ZMYM2: variants seen among roughly 807,000 people sequenced by gnomAD.
ZMYM2 encodes zinc finger MYM-type containing 2, also known as zinc finger MYM-type protein 2.
ZMYM2 carries 56 observed loss-of-function variants against 162.8 expected under a neutral mutation model. That is an observed-to-expected ratio of 0.34 (90% CI 0.28 to 0.43). The LOEUF (loss-of-function observed/expected upper bound fraction) is 0.43, where lower values mean the gene tolerates loss of function less well. ZMYM2 is among the 20% of genes least tolerant of loss of function. The pLI, the probability that ZMYM2 is intolerant of heterozygous loss-of-function variation, is 1.00. For synonymous variants in ZMYM2, 510 were observed against 541.6 expected (o/e 0.94, Z 0.81); for missense variants, 1,275 against 1,621.8 (o/e 0.79, Z 3.67).
chr13:19,921,976 C>A, the ZMYM2 span, among the ~76,000 whole-genome samples: 3 of 151,806 alleles, frequency 2.0e-5, no homozygotes, highest in African/African-American at 4.8e-5. Context: ...TGCAGTGGTG[C>A]GATCTCGGCT....
At chr13:19,981,287 C>CAG (rs201107979) in intron 2 of ZMYM2, among the ~76,000 whole-genome samples, 3,931 of 137,920 alleles carry the variant, frequency 0.029, 113 homozygotes, top group East Asian at 0.13. Context: ...ACAGAAAAAA[C>CAG]AAAAAACAAA....
chr13:20,021,862 C>T (rs1952137388), intron 7 of ZMYM2, among the ~76,000 whole-genome samples: 1 of 152,222 alleles, frequency 6.6e-6, no homozygotes, highest in Non-Finnish European at 1.5e-5. Context: ...CAAAATACGT[C>T]GGTAGATGTA....
chr13:20,054,732 G>T (rs989893564), intron 14 of ZMYM2, among the ~76,000 whole-genome samples: 1 of 152,212 alleles, frequency 6.6e-6, no homozygotes, highest in African/African-American at 2.4e-5. Flanking sequence ...TTGCAGAATG[G>T]CAAGAAGTGC....
At chr13:19,902,288 T>C in the ZMYM2 span, among the ~76,000 whole-genome samples, 1 of 152,192 alleles carries the variant, frequency 6.6e-6, no homozygotes. Context: ...GCTTCCGTTT[T>C]TTGAAATGAA....
chr13:20,067,125 A>C, intron 20 of ZMYM2, 106 bp downstream of exon 20: 1 of 1,380,270 alleles, frequency 7.2e-7, no homozygotes, highest in Non-Finnish European at 9.6e-7. Context: ...AAATACCTGT[A>C]AGAATGCATT....
intron 12 of ZMYM2, among the ~76,000 whole-genome samples, chr13:20,044,221 G>T (rs1954549238): frequency 6.6e-6 from 1 of 152,274 alleles, no homozygotes; most frequent in East Asian, 1.9e-4. Context: ...CTGGCTTGCT[G>T]CCCCTACAAC....
At chr13:19,912,275 A>G in the ZMYM2 span, among the ~76,000 whole-genome samples, 3 of 132,396 alleles carry the variant, frequency 2.3e-5, no homozygotes, top group African/African-American at 8.4e-5. Flanking sequence ...TAATTTTCAC[A>G]GGGATCTGTT....
Position 20,051,467 on chromosome 13 carries a change from C to T in ZMYM2, c.2327C>T (p.Thr776Ile). Residue 776 changes from threonine to isoleucine, a missense_variant, in exon 13 of 25, where the codon ACT (threonine) becomes ATT (isoleucine). Transcript: ENST00000610343. The part of the protein sequence containing the change: ...ARCDCCKSQG[T>I]LKERVQWRGE... The stretch of plus-strand genomic sequence containing the variant: ...TGTGACTGTTGTAAATCTCAAGGAA[C>T]TCTTAAAGAGCGAGTTCAGTGGCGT... The T allele has an allele frequency of 6.2e-7, 1 of 1,613,108 alleles. No individual in the cohort carries two copies. The highest frequency in any genetic ancestry group is 8.5e-7 in the Non-Finnish European group (1 of 1,179,442).
intron 2 of ZMYM2, among the ~76,000 whole-genome samples, chr13:19,983,855 C>T (rs916584345): frequency 2.0e-5 from 3 of 151,934 alleles, no homozygotes; most frequent in Admixed American, 6.6e-5. Flanking sequence ...TCTCCAACTG[C>T]GGGCTCAAGA....
chr13:20,054,005 A>G (rs1054727900), intron 14 of ZMYM2, among the ~76,000 whole-genome samples: 1 of 152,220 alleles, frequency 6.6e-6, no homozygotes, highest in Admixed American at 6.5e-5. Flanking sequence ...CTCCTCCTAC[A>G]GCACTTGAAC....
At chr13:19,956,090 G>C (rs1005385458), upstream of ZMYM2, among the ~76,000 whole-genome samples, 1 of 152,120 alleles carries the variant, frequency 6.6e-6, no homozygotes, top group Admixed American at 6.5e-5. Flanking sequence ...GTCAATTTTA[G>C]AACACTTGAG....
chr13:19,931,025 G>A, the ZMYM2 span, among the ~76,000 whole-genome samples: 2 of 151,322 alleles, frequency 1.3e-5, no homozygotes, highest in South Asian at 2.1e-4. Context: ...TGTAGTCCTA[G>A]CTACTTGGGG....
chr13:19,904,815 C>T, the ZMYM2 span, among the ~76,000 whole-genome samples: 1 of 152,022 alleles, frequency 6.6e-6, no homozygotes, highest in African/African-American at 2.4e-5. Flanking sequence ...GCTTATTTCA[C>T]TAAACATAAT....
intron 9 of ZMYM2, among the ~76,000 whole-genome samples, chr13:20,029,770 A>G (rs1030679476): frequency 6.6e-5 from 10 of 152,076 alleles, no homozygotes; most frequent in Admixed American, 4.6e-4. Context: ...GTCAGTGTCC[A>G]TGTATGCTTA....
chr13:19,988,463 T>G (rs1044123846), intron 2 of ZMYM2, among the ~76,000 whole-genome samples: 1 of 152,184 alleles, frequency 6.6e-6, no homozygotes, highest in African/African-American at 2.4e-5. Flanking sequence ...AAGCATTGTG[T>G]TAGGTCTTAG....
chr13:20,000,945 A>G (rs897245210), intron 3 of ZMYM2, among the ~76,000 whole-genome samples: 2 of 152,246 alleles, frequency 1.3e-5, no homozygotes, highest in African/African-American at 4.8e-5. Context: ...GAACATTTGT[A>G]ATTCATGGGA....
chr13:20,087,925 G>A lies in ZMYM2; in HGVS notation c.*1911G>A, dbSNP rs202200789. ...ATTAATGCCTATTGTTGATTAAAAG[G>A]TGGTTAATTCTAACCATCTTTTAGT... On this transcript the variant is annotated 3_prime_UTR_variant, in exon 25 of 25. Coordinates refer to ENST00000610343, the MANE Select transcript of ZMYM2 (RefSeq NM_197968.4). 5.7e-5 allele frequency: 11 copies of A among 191,920 alleles called. No homozygotes were observed. The East Asian group carries it at 8.3e-4, about 14-fold the overall frequency. 11.9% of individuals were successfully genotyped at this position (191,920 alleles called of 1,614,324 possible). A position where few individuals can be genotyped will look rare whatever the true frequency, so the allele number is the denominator to read the frequency against.
intron 12 of ZMYM2, among the ~76,000 whole-genome samples, chr13:20,049,571 C>T (rs969409077): frequency 1.6e-4 from 25 of 152,010 alleles, no homozygotes; most frequent in African/African-American, 5.8e-4. Flanking sequence ...TTATTCTCTG[C>T]TCATTTATAG....
At chr13:19,865,503 A>G in the ZMYM2 span, among the ~76,000 whole-genome samples, 1 of 152,232 alleles carries the variant, frequency 6.6e-6, no homozygotes, top group Non-Finnish European at 1.5e-5. Flanking sequence ...TAAGTGAATT[A>G]CATGTAATGT....
Sources: gnomAD v4.1 joint callset for allele counts (sites outside exome capture counted in the v4.1 genomes callset) on GRCh38, gnomAD v4.1.1 for gene constraint, MANE v1.5 for transcripts, NCBI Gene and HGNC (gene_info 2026-07-23, HGNC 2026-07-21) for gene names.